Variants in NOS1AP observed in about 807,000 individuals in gnomAD.
The protein encoded by NOS1AP is nitric oxide synthase 1 adaptor protein.
Under a neutral mutation model 56.2 loss-of-function variants are expected in NOS1AP, and 21 were observed. The ratio of observed to expected loss-of-function variants is 0.37; its 90% CI spans 0.26 to 0.54. NOS1AP has a LOEUF of 0.54. NOS1AP is among the 20% of genes least tolerant of loss of function. The pLI, the probability that NOS1AP is intolerant of heterozygous loss-of-function variation, is 0.84. For missense variants in NOS1AP, 522 were observed against 657.8 expected, an observed-to-expected ratio of 0.79 and a Z score of 2.26; for synonymous variants, 270 against 274.6, an observed-to-expected ratio of 0.98 and a Z score of 0.17.
chr1:162,264,654 G>A (rs1026133446), intron 2 of NOS1AP, among the ~76,000 whole-genome samples: 5 of 150,170 alleles, frequency 3.3e-5, no homozygotes, highest in Admixed American at 3.3e-4. Context: ...TTACAGGCAT[G>A]TGCCACCACA....
chr1:162,293,254 T>C lies in NOS1AP; in HGVS notation c.270+5818T>C, dbSNP rs190568370. Among the ~76,000 whole-genome samples the C allele has an allele frequency of 7.9e-5, 12 of 152,252 alleles. No homozygotes were observed. The South Asian group carries it at 1.5e-3, about 18-fold the overall frequency. ...TTTTTTTTTGAGTCACCGCTGCTAT[T>C]AGGTGCTTGAATAATGCTGCATGAA... On this transcript the variant is annotated intron_variant, in intron 3 of 9. Transcript: ENST00000361897.
At chr1:162,197,662 G>C (rs1254775571) in intron 2 of NOS1AP, among the ~76,000 whole-genome samples, 2 of 152,222 alleles carry the variant, frequency 1.3e-5, no homozygotes, top group Non-Finnish European at 2.9e-5. Flanking sequence ...GCTCAGGAGA[G>C]AGGAAGTGAC....
chr1:162,322,956 A>T (rs1656467694), intron 4 of NOS1AP, among the ~76,000 whole-genome samples: 1 of 152,222 alleles, frequency 6.6e-6, no homozygotes, highest in Non-Finnish European at 1.5e-5. Context: ...GAAGATTGCT[A>T]GGGTTCCAAT....
chr1:162,337,510 G>T (rs1233974735), intron 5 of NOS1AP, among the ~76,000 whole-genome samples: 3 of 152,122 alleles, frequency 2.0e-5, no homozygotes, highest in Admixed American at 2.0e-4. Context: ...GAGTTGGGAA[G>T]TCAAAATGCA....
chr1:162,164,368 C>T (rs1390978530), intron 2 of NOS1AP, among the ~76,000 whole-genome samples: 1 of 152,204 alleles, frequency 6.6e-6, no homozygotes, highest in Non-Finnish European at 1.5e-5. Context: ...TATATGCACA[C>T]ACACAACATA....
intron 2 of NOS1AP, among the ~76,000 whole-genome samples, chr1:162,171,286 G>A (rs894959422): frequency 1.3e-5 from 2 of 152,208 alleles, no homozygotes; most frequent in African/African-American, 2.4e-5. Flanking sequence ...CAGGGCAGCA[G>A]TTCTGGCTAG....
intron 6 of NOS1AP, among the ~76,000 whole-genome samples, chr1:162,346,636 G>A (rs1004505212): frequency 2.6e-5 from 4 of 152,194 alleles, no homozygotes; most frequent in African/African-American, 9.7e-5. Context: ...AAAGGAACTG[G>A]GTGGCTGAGG....
chr1:162,189,749 A>G (rs1651559819), intron 2 of NOS1AP, among the ~76,000 whole-genome samples: 1 of 152,204 alleles, frequency 6.6e-6, no homozygotes, highest in South Asian at 2.1e-4. Flanking sequence ...TAAAGAGGGT[A>G]ATGTGACGGA....
chr1:162,136,759 T>C (rs1558116669), intron 1 of NOS1AP, among the ~76,000 whole-genome samples: 2 of 152,216 alleles, frequency 1.3e-5, no homozygotes, highest in African/African-American at 2.4e-5. Flanking sequence ...TGTTTTTGTG[T>C]GTTTGTTTAA....
intron 2 of NOS1AP, among the ~76,000 whole-genome samples, chr1:162,253,498 C>T (rs1557850385): frequency 6.6e-6 from 1 of 152,146 alleles, no homozygotes; most frequent in African/African-American, 2.4e-5. Context: ...AGAGAGAAAA[C>T]ATTAGAAAAA....
chr1:162,296,928 T>C (rs1356518865), intron 3 of NOS1AP, among the ~76,000 whole-genome samples: 1 of 152,176 alleles, frequency 6.6e-6, no homozygotes, highest in Non-Finnish European at 1.5e-5. Flanking sequence ...CAGCCTAGAC[T>C]CCACTTAGGA....
Position 162,261,060 on chromosome 1 carries a change from T to A in NOS1AP, c.178-26284T>A, listed in dbSNP as rs1654195878. Among the ~76,000 whole-genome samples the A allele has an allele frequency of 1.5e-5, 2 of 131,260 alleles. 1 individual carries two copies. Among genetic ancestry groups the A allele is most frequent in the Admixed American group, 1.7e-4 (2 of 11,568 alleles). The allele number at this position is 131,260 out of a possible 152,430, so 86.1% of individuals were successfully genotyped here. On this transcript the variant is annotated intron_variant, in intron 2 of 9. Coordinates refer to ENST00000361897, the MANE Select transcript of NOS1AP (RefSeq NM_014697.3). ...TGTTATATTCCCAAGATGACTAATA[T>A]AACAAATTAGAATTTGTTATACTCC...
intron 2 of NOS1AP, among the ~76,000 whole-genome samples, chr1:162,167,564 G>A (rs1650561341): frequency 1.3e-5 from 2 of 152,250 alleles, no homozygotes; most frequent in African/African-American, 4.8e-5. Flanking sequence ...TGGTTGTGGG[G>A]CTGAGGGAGG....
chr1:162,199,371 G>A (rs2102164287), intron 2 of NOS1AP, among the ~76,000 whole-genome samples: 1 of 152,312 alleles, frequency 6.6e-6, no homozygotes, highest in East Asian at 1.9e-4. Flanking sequence ...TTAAACCCTT[G>A]TAAGGCTCCA....
chr1:162,245,337 G>A lies in NOS1AP; in HGVS notation c.178-42007G>A, dbSNP rs148772106. On this transcript the variant is annotated intron_variant, in intron 2 of 9. Transcript: ENST00000361897. Reference sequence around the variant, plus strand: ...ATTAAAACCATAAGGAGGAACCTCTGCATAACTAAGAATGATGAAAAATGT... The same window carrying A: ...ATTAAAACCATAAGGAGGAACCTCTACATAACTAAGAATGATGAAAAATGT... Among the ~76,000 whole-genome samples, 85 of 152,260 alleles carry A rather than the reference G, an allele frequency of 5.6e-4. No homozygotes were observed. The East Asian group carries it at 0.014, about 26-fold the overall frequency.
In NOS1AP at chr1:162,350,755, C is replaced by G. The variant is rs187095002; in HGVS notation, c.596-4432C>G. Among the ~76,000 whole-genome samples, 363 of 152,316 alleles carry G rather than the reference C, an allele frequency of 2.4e-3. 2 individuals are homozygous for G. Among genetic ancestry groups the G allele is most frequent in the African/African-American group, 8.0e-3 (331 of 41,552 alleles). On this transcript the variant is annotated intron_variant, in intron 6 of 9. Transcript: ENST00000361897. ...AATCCTCGTGTCGTACATTAGAGTT[C>G]TGGCCTTATTCATCCTACATACCTG...
intron 2 of NOS1AP, among the ~76,000 whole-genome samples, chr1:162,181,736 G>A (rs1251991577): frequency 1.3e-5 from 2 of 152,200 alleles, no homozygotes; most frequent in Non-Finnish European, 2.9e-5. Context: ...TTTGTAGGAT[G>A]GAGCCCAAAA....
intron 3 of NOS1AP, among the ~76,000 whole-genome samples, chr1:162,297,761 A>G (rs1330343853): frequency 1.3e-5 from 2 of 152,206 alleles, no homozygotes; most frequent in African/African-American, 4.8e-5. Context: ...TGGGAAGACC[A>G]AGTAGATGCA....
chr1:162,128,381 G>T (rs1282474347), intron 1 of NOS1AP, among the ~76,000 whole-genome samples: 3 of 151,914 alleles, frequency 2.0e-5, no homozygotes, highest in Admixed American at 2.0e-4. Context: ...ATTTTTGGGG[G>T]TATATTAATT....
Sources: allele counts gnomAD v4.1 joint callset (sites outside exome capture counted in the v4.1 genomes callset), GRCh38; gene constraint gnomAD v4.1.1; transcripts MANE v1.5; gene names NCBI Gene and HGNC (gene_info 2026-07-23, HGNC 2026-07-21).